TSHZ2: variants seen among roughly 807,000 people sequenced by gnomAD.
The protein encoded by TSHZ2 is teashirt zinc finger homeobox 2, also known as teashirt homolog 2.
A neutral mutation model predicts 74.4 loss-of-function variants in TSHZ2; 21 were observed. The ratio of observed to expected loss-of-function variants is 0.28; its 90% CI spans 0.20 to 0.41. The LOEUF (loss-of-function observed/expected upper bound fraction) is 0.41. Among genes scored for constraint, TSHZ2 ranks in the 10% least tolerant of loss-of-function variants. The pLI is 1.00. For missense variants in TSHZ2, 1,244 were observed against 1,293.5 expected (o/e 0.96, Z 0.59); for synonymous variants, 540 against 515.3 (o/e 1.05, Z -0.65).
Position 53,185,277 on chromosome 20 carries a change from T to C in TSHZ2, c.41-68222T>C, listed in dbSNP as rs75314507. 4.9e-4 allele frequency: 502 copies of C among 1,021,808 alleles called. 4 individuals are homozygous for C. In the African/African-American group the frequency reaches 7.9e-3, roughly 16 times the overall value. 63.3% of individuals were successfully genotyped at this position (1,021,808 alleles called of 1,614,324 possible). A position where few individuals can be genotyped will look rare whatever the true frequency, so the allele number is the denominator to read the frequency against. ...ATGCATAAAACCTCGTGGGTTCAAA[T>C]TGGACATTTATTTTTCTAGAACACA... is the stretch of plus-strand genomic sequence containing the variant. On this transcript the variant is annotated intron_variant, in intron 1 of 2. Transcript: ENST00000371497.
chr20:53,045,268 G>T (rs566403091), intron 1 of TSHZ2, among the ~76,000 whole-genome samples: 2 of 152,226 alleles, frequency 1.3e-5, no homozygotes, highest in African/African-American at 4.8e-5. Flanking sequence ...CCTCACTTCT[G>T]GTCACATTTC....
At chr20:53,017,798 T>G (rs1249595076) in intron 1 of TSHZ2, among the ~76,000 whole-genome samples, 1 of 152,230 alleles carries the variant, frequency 6.6e-6, no homozygotes, top group Non-Finnish European at 1.5e-5. Flanking sequence ...AACTTTCTTT[T>G]CTGTGCTTCA....
intron 1 of TSHZ2, among the ~76,000 whole-genome samples, chr20:53,207,083 C>T (rs1032513797): frequency 3.3e-5 from 5 of 152,284 alleles, no homozygotes; most frequent in African/African-American, 9.6e-5. Flanking sequence ...CCTGACCTGG[C>T]GTGGTCTCTT....
intron 2 of TSHZ2, among the ~76,000 whole-genome samples, chr20:53,457,264 G>C (rs1985133605): frequency 6.9e-6 from 1 of 144,252 alleles, no homozygotes; most frequent in Non-Finnish European, 1.5e-5. Context: ...TCCTTGAAGA[G>C]GTCCTTCACA....
intron 1 of TSHZ2, among the ~76,000 whole-genome samples, chr20:53,232,979 C>CTGAAAGA (rs1989862933): frequency 2.6e-5 from 4 of 152,052 alleles, no homozygotes; most frequent in Admixed American, 2.6e-4. Flanking sequence ...TTTATACTTA[C>CTGAAAGA]TGAAAGACTC....
chr20:53,127,665 C>T (rs954798602), intron 1 of TSHZ2, among the ~76,000 whole-genome samples: 5 of 152,180 alleles, frequency 3.3e-5, no homozygotes, highest in Non-Finnish European at 7.3e-5. Flanking sequence ...TGATTGACAG[C>T]GACCCACATG....
At chr20:52,983,706 A>G (rs796427774) in intron 1 of TSHZ2, among the ~76,000 whole-genome samples, 14 of 152,370 alleles carry the variant, frequency 9.2e-5, no homozygotes, top group African/African-American at 3.4e-4. Context: ...TCGTGACATC[A>G]CGTGCCTTCG....
intron 1 of TSHZ2, among the ~76,000 whole-genome samples, chr20:53,043,078 A>G (rs996442790): frequency 6.6e-6 from 1 of 152,170 alleles, no homozygotes; most frequent in Non-Finnish European, 1.5e-5. Flanking sequence ...TAGGTTGGCA[A>G]AGAAAGCATA....
chr20:53,182,376 G>T (rs1055128865), intron 1 of TSHZ2, among the ~76,000 whole-genome samples: 7 of 151,684 alleles, frequency 4.6e-5, no homozygotes, highest in African/African-American at 1.7e-4. Context: ...TCATTCATTT[G>T]TTCATTCATT....
chr20:53,448,268 G>A (rs1428802543), intron 2 of TSHZ2, among the ~76,000 whole-genome samples: 5 of 152,170 alleles, frequency 3.3e-5, no homozygotes, highest in Non-Finnish European at 1.5e-5. Flanking sequence ...ATATAGCAGA[G>A]AAGAAATATA....
Position 53,297,104 on chromosome 20 carries a change from T to TTATA in TSHZ2, c.*8+40534_*8+40537dup, listed in dbSNP as rs147056498. 9.2e-3 allele frequency among the ~76,000 whole-genome samples: 1,401 copies of TTATA among 152,344 alleles called. 28 individuals are homozygous for TTATA. Among genetic ancestry groups the TTATA allele is most frequent in the African/African-American group, 0.032 (1,314 of 41,566 alleles). Reference sequence around the variant, plus strand: ...AGTCATATCACCTTATTCCAAGTTATTATAGTCTTGTAATCTCTAACTGCA... The same window carrying TTATA: ...AGTCATATCACCTTATTCCAAGTTATTATATATAGTCTTGTAATCTCTAACTGCA... On this transcript the variant is annotated intron_variant, in intron 2 of 2. Transcript: ENST00000371497.
intron 2 of TSHZ2, among the ~76,000 whole-genome samples, chr20:53,371,028 G>A (rs767322892): frequency 9.9e-5 from 15 of 152,130 alleles, no homozygotes; most frequent in African/African-American, 1.7e-4. Flanking sequence ...GGTTGCGGCC[G>A]CATCGCTCCA....
intron 2 of TSHZ2, among the ~76,000 whole-genome samples, chr20:53,274,357 C>T (rs1990899510): frequency 6.6e-6 from 1 of 152,200 alleles, no homozygotes; most frequent in African/African-American, 2.4e-5. Flanking sequence ...CTGTGCTCGC[C>T]TTCCTATTTT....
At chr20:53,364,916 G>C (rs947252221) in intron 2 of TSHZ2, among the ~76,000 whole-genome samples, 2 of 152,222 alleles carry the variant, frequency 1.3e-5, no homozygotes, top group African/African-American at 4.8e-5. Flanking sequence ...ATCCTGCTGT[G>C]GCCTGGAATG....
chr20:52,998,612 T>C (rs1982293338), intron 1 of TSHZ2, among the ~76,000 whole-genome samples: 1 of 152,218 alleles, frequency 6.6e-6, no homozygotes, highest in African/African-American at 2.4e-5. Flanking sequence ...AAGCACCATA[T>C]ACCTCACTGC....
intron 1 of TSHZ2, among the ~76,000 whole-genome samples, chr20:53,243,072 G>T (rs117241962): frequency 6.6e-6 from 1 of 152,120 alleles, no homozygotes; most frequent in African/African-American, 2.4e-5. Flanking sequence ...AGGAGTAAGT[G>T]GGGGAGGGTA....
chr20:53,232,343 C>A (rs73272854), intron 1 of TSHZ2, among the ~76,000 whole-genome samples: 2,478 of 152,262 alleles, frequency 0.016, 59 homozygotes, highest in African/African-American at 0.057. Flanking sequence ...TCTAATTTTC[C>A]TTGAGCCTAC....
intron 1 of TSHZ2, among the ~76,000 whole-genome samples, chr20:53,177,621 A>T (rs1354332628): frequency 6.6e-6 from 1 of 152,220 alleles, no homozygotes; most frequent in Non-Finnish European, 1.5e-5. Context: ...ATTTAAAAAG[A>T]TATTAAAAAT....
intron 1 of TSHZ2, among the ~76,000 whole-genome samples, chr20:53,177,572 C>G (rs1490041436): frequency 6.6e-6 from 1 of 152,166 alleles, no homozygotes; most frequent in African/African-American, 2.4e-5. Flanking sequence ...ATTAGGTCTT[C>G]CATGAATCCT....
Sources: allele counts gnomAD v4.1 joint callset (sites outside exome capture counted in the v4.1 genomes callset), GRCh38; gene constraint gnomAD v4.1.1; transcripts MANE v1.5; gene names NCBI Gene and HGNC (gene_info 2026-07-23, HGNC 2026-07-21).